VWA8: variants seen among roughly 807,000 people sequenced by gnomAD.
VWA8 encodes the protein von Willebrand factor A domain-containing protein 8.
In VWA8, 221 loss-of-function variants were observed where a neutral mutation model predicts 241.5. The ratio of observed to expected loss-of-function variants is 0.91; its 90% CI spans 0.82 to 1.02. The LOEUF (loss-of-function observed/expected upper bound fraction) is 1.02, where lower values mean the gene tolerates loss of function less well. VWA8 is among the 50% of genes least tolerant of loss of function. The pLI, the probability that VWA8 is intolerant of heterozygous loss-of-function variation, is 0.00. For missense variants in VWA8, 2,322 were observed against 2,328.7 expected (o/e 1.00, Z 0.06); for synonymous variants, 852 against 827.1 (o/e 1.03, Z -0.52).
At chr13:41,615,140 C>T in intron 37 of VWA8, 56 bp from the exon 38 acceptor site, 1 of 1,565,026 alleles carries the variant, frequency 6.4e-7, no homozygotes, top group Non-Finnish European at 8.8e-7. Context: ...CCAGGGACTG[C>T]ATGACAGAAA....
At chr13:41,858,093 C>T (rs1421017890) in intron 12 of VWA8, among the ~76,000 whole-genome samples, 1 of 152,190 alleles carries the variant, frequency 6.6e-6, no homozygotes, top group Non-Finnish European at 1.5e-5. Context: ...CACACCACCT[C>T]TTTCCTGGCT....
intron 2 of VWA8, among the ~76,000 whole-genome samples, chr13:41,927,517 C>T (rs1009372560): frequency 6.6e-6 from 1 of 151,592 alleles, no homozygotes; most frequent in Non-Finnish European, 1.5e-5. Flanking sequence ...TTCCTTGTTA[C>T]CAAATAAACC....
rs36166712 is a variant in VWA8, at chr13:41,787,542, A to C, written c.2065T>G (p.Phe689Val). The part of the protein sequence containing the change: ...SAVTKACLSR[F>V]LPSLARSALE... ...GCTGACCTAGCAAGACTGGGTAAAAACCTGGAGGATGAAGAGGGAGGAAGG... is the reference window on the plus strand; with the variant it reads ...GCTGACCTAGCAAGACTGGGTAAAACCCTGGAGGATGAAGAGGGAGGAAGG... The change falls in exon 18 of 45, where the codon TTT becomes GTT. Residue 689 changes from phenylalanine (F) to valine (V), a missense_variant and splice_region_variant. Transcript: ENST00000379310. 3.9e-5 allele frequency: 62 copies of C among 1,608,798 alleles called. No homozygotes were observed. The African/African-American group carries it at 7.6e-4, about 20-fold the overall frequency.
At chr13:41,636,105 T>C (rs2044754885) in intron 37 of VWA8, among the ~76,000 whole-genome samples, 2 of 152,144 alleles carry the variant, frequency 1.3e-5, no homozygotes, top group South Asian at 4.1e-4. Flanking sequence ...TTAGAACTTA[T>C]CACTGCTAAA....
chr13:41,794,816 A>G (rs991437905), intron 17 of VWA8, among the ~76,000 whole-genome samples: 15 of 152,192 alleles, frequency 9.9e-5, no homozygotes, highest in African/African-American at 3.6e-4. Flanking sequence ...TGGATTAACA[A>G]CTTAAATGTA....
intron 20 of VWA8, among the ~76,000 whole-genome samples, chr13:41,775,192 A>G (rs145534426): frequency 1.3e-3 from 196 of 152,316 alleles, no homozygotes; most frequent in African/African-American, 3.8e-3. Flanking sequence ...TTTTCACTAT[A>G]TAATATAATG....
At position 41,810,335 on chromosome 13, in the gene VWA8, T is replaced by A. The variant is rs557367057; in HGVS notation, c.2063+890A>T. 2.6e-4 allele frequency among the ~76,000 whole-genome samples: 40 copies of A among 152,246 alleles called. 2 individuals carry two copies. Among genetic ancestry groups the A allele is most frequent in the Admixed American group, 2.1e-3 (32 of 15,278 alleles). ...GAGAGGTCTGTGCTACCATGTTTATTGAAGCACTATTCACAATAGCTAAGA... is the reference window on the plus strand; with the variant it reads ...GAGAGGTCTGTGCTACCATGTTTATAGAAGCACTATTCACAATAGCTAAGA... On this transcript the variant is annotated intron_variant, in intron 17 of 44. Transcript: ENST00000379310.
In VWA8 at chr13:41,891,466, T is replaced by C; in HGVS notation, c.605A>G (p.Asp202Gly). The C allele has an allele frequency of 6.2e-7, 1 of 1,614,216 alleles. No individual in the cohort carries two copies. The highest frequency in any genetic ancestry group is 8.5e-7 in the Non-Finnish European group (1 of 1,180,034). The change falls in exon 5 of 45, where the codon GAT becomes GGT. Residue 202 changes from aspartate to glycine, a missense_variant. By Grantham distance (94) the Asp-to-Gly change is moderately conservative. Transcript: ENST00000379310. ...LLENREMQLE[D>G]GRFLMSAERY... ...CTCAGCAGACATCAGGAAGCGTCCATCTTCAAGCTGCATCTCTCTGTTTTC... is the reference window on the plus strand; with the variant it reads ...CTCAGCAGACATCAGGAAGCGTCCACCTTCAAGCTGCATCTCTCTGTTTTC...
chr13:41,890,984 T>C (rs191834321), intron 5 of VWA8, among the ~76,000 whole-genome samples: 2 of 152,262 alleles, frequency 1.3e-5, no homozygotes, highest in African/African-American at 4.8e-5. Context: ...TTCATTTCTG[T>C]CAATACCTAC....
intron 12 of VWA8, among the ~76,000 whole-genome samples, chr13:41,860,420 T>C (rs1037505459): frequency 6.6e-6 from 1 of 152,142 alleles, no homozygotes; most frequent in Non-Finnish European, 1.5e-5. Context: ...CATCTGTATT[T>C]TTCAGAGAGA....
At chr13:41,645,284 G>C (rs1360628669) in intron 37 of VWA8, among the ~76,000 whole-genome samples, 1 of 152,200 alleles carries the variant, frequency 6.6e-6, no homozygotes, top group Non-Finnish European at 1.5e-5. Flanking sequence ...TCATTTTTCA[G>C]TAGAGATATG....
chr13:41,655,037 A>G (rs1371520124), intron 37 of VWA8, among the ~76,000 whole-genome samples: 4 of 151,844 alleles, frequency 2.6e-5, no homozygotes, highest in Non-Finnish European at 5.9e-5. Flanking sequence ...CCTGATTTTG[A>G]GGTCTGTGTT....
chr13:41,932,616 G>A (rs1160039024), intron 2 of VWA8, among the ~76,000 whole-genome samples: 1 of 151,714 alleles, frequency 6.6e-6, no homozygotes, highest in African/African-American at 2.4e-5. Flanking sequence ...TACCAAGAGG[G>A]TCTTATCCCA....
intron 4 of VWA8, among the ~76,000 whole-genome samples, chr13:41,892,280 T>A (rs1221546350): frequency 6.6e-6 from 1 of 152,154 alleles, no homozygotes; most frequent in African/African-American, 2.4e-5. Context: ...TAACTATAGG[T>A]CCTTAATAAC....
rs765095052 is a variant in VWA8 at position 41,783,850 on chromosome 13, T to C, written c.2222A>G (p.Tyr741Cys). The C allele has an allele frequency of 3.8e-5, 62 of 1,613,770 alleles. No homozygotes were observed. The highest frequency in any genetic ancestry group is 5.0e-5 in the Non-Finnish European group (59 of 1,179,956). Residue 741 changes from tyrosine to cysteine, a missense_variant, in exon 19 of 45, where the codon TAT (tyrosine) becomes TGT (cysteine). Coordinates refer to ENST00000379310, the MANE Select transcript of VWA8 (RefSeq NM_015058.2). ...CACTTTCATTTTCTCATGTGCATTA[T>C]AGATCGGTGCACTAACAGCACCAAT... Reference protein sequence around the residue: ...LRIGAVSAPIYNAHEKMKVPD... With the variant: ...LRIGAVSAPICNAHEKMKVPD...
intron 17 of VWA8, among the ~76,000 whole-genome samples, chr13:41,799,563 C>T (rs1384981485): frequency 6.6e-6 from 1 of 152,118 alleles, no homozygotes; most frequent in Admixed American, 6.6e-5. Flanking sequence ...AGACTCTATT[C>T]TTCATGCAGG....
At chr13:41,950,115 GA>G in intron 1 of VWA8, 102 bp from the exon 2 acceptor site, 1 of 636,504 alleles carries the variant, frequency 1.6e-6, no homozygotes, top group South Asian at 2.4e-5. Context: ...GGATGTTACA[GA>G]AATGTACTAC....
intron 12 of VWA8, among the ~76,000 whole-genome samples, chr13:41,856,759 G>A (rs1254715736): frequency 6.6e-6 from 1 of 151,908 alleles, no homozygotes; most frequent in Non-Finnish European, 1.5e-5. Flanking sequence ...GGAAGGCGGA[G>A]GTTGCAGCAA....
intron 20 of VWA8, among the ~76,000 whole-genome samples, chr13:41,768,869 T>C (rs2045797997): frequency 6.6e-6 from 1 of 151,786 alleles, no homozygotes; most frequent in African/African-American, 2.4e-5. Flanking sequence ...TTTGTTTTGA[T>C]GCTGACTAGA....
Sources: allele counts gnomAD v4.1 joint callset (sites outside exome capture counted in the v4.1 genomes callset), GRCh38; gene constraint gnomAD v4.1.1; transcripts MANE v1.5; gene names NCBI Gene and HGNC (gene_info 2026-07-23, HGNC 2026-07-21).